SPATS1: variants seen among roughly 807,000 people sequenced by gnomAD.
SPATS1 encodes the protein spermatogenesis-associated serine-rich protein 1.
A neutral mutation model predicts 33.6 loss-of-function variants in SPATS1; 23 were observed. The observed-to-expected ratio is 0.68, with a 90% confidence interval of 0.49 to 0.97. The LOEUF is 0.97. Among genes scored for constraint, SPATS1 ranks in the 50% least tolerant of loss-of-function variants. The pLI is 0.00. For synonymous variants in SPATS1, 131 were observed against 125.6 expected, an observed-to-expected ratio of 1.04 and a Z score of -0.29; for missense variants, 327 against 361.0, an observed-to-expected ratio of 0.91 and a Z score of 0.76.
rs184407816 is a variant in SPATS1 at position 44,368,461 on chromosome 6, C to G, written c.657C>G (p.His219Gln). 8 of 1,613,120 alleles carry G rather than the reference C, an allele frequency of 5.0e-6. No homozygotes were observed. Among genetic ancestry groups the G allele is most frequent in the Non-Finnish European group, 6.8e-6 (8 of 1,179,526 alleles). The change falls in exon 6 of 9, where the codon CAC (histidine) becomes CAG (glutamine). Residue 219 changes from histidine (H) to glutamine (Q), a missense_variant. Coordinates refer to ENST00000674044, the MANE Select transcript of SPATS1 (RefSeq NM_001372081.1). ...ACCCAGAACAGAGTAAAGGCTTCCA[C>G]AAAGCAGGATCAATGCTCCCACCAG... is the stretch of plus-strand genomic sequence containing the variant. The part of the protein sequence containing the change: ...YMYPEQSKGF[H>Q]KAGSMLPPVN...
At chr6:44,359,424 A>G (rs576523059) in intron 3 of SPATS1, among the ~76,000 whole-genome samples, 1 of 152,278 alleles carries the variant, frequency 6.6e-6, no homozygotes, top group East Asian at 1.9e-4. Flanking sequence ...GCCCCTGGTA[A>G]CCTGTAATCT....
chr6:44,374,351 C>A (rs1273136023), intron 7 of SPATS1, among the ~76,000 whole-genome samples: 1 of 152,158 alleles, frequency 6.6e-6, no homozygotes, highest in African/African-American at 2.4e-5. Context: ...AGCATTTCGA[C>A]TATTTTTGTT....
intron 2 of SPATS1, among the ~76,000 whole-genome samples, chr6:44,346,878 T>C (rs1182711267): frequency 6.6e-6 from 1 of 152,242 alleles, no homozygotes; most frequent in Non-Finnish European, 1.5e-5. Flanking sequence ...TTACTGGGTA[T>C]GTACCCAAAG....
intron 2 of SPATS1, among the ~76,000 whole-genome samples, chr6:44,349,097 C>T (rs1788079721): frequency 6.6e-6 from 1 of 151,952 alleles, no homozygotes; most frequent in Non-Finnish European, 1.5e-5. Flanking sequence ...CACTACTGCA[C>T]TCCAGCCGGG....
At chr6:44,351,039 A>C in intron 2 of SPATS1, among the ~76,000 whole-genome samples, 1 of 149,308 alleles carries the variant, frequency 6.7e-6, no homozygotes, top group Non-Finnish European at 1.5e-5. Context: ...CAGGAGAATC[A>C]CCTGAACCCA....
At chr6:44,356,602 A>C (rs919050413) in intron 3 of SPATS1, among the ~76,000 whole-genome samples, 5 of 152,192 alleles carry the variant, frequency 3.3e-5, no homozygotes, top group African/African-American at 9.7e-5. Context: ...TATGGTTGAT[A>C]GCAGGATTCA....
chr6:44,374,817 C>T (rs1353477003), intron 7 of SPATS1, among the ~76,000 whole-genome samples: 2 of 152,074 alleles, frequency 1.3e-5, no homozygotes, highest in African/African-American at 4.8e-5. Flanking sequence ...GCTCTTAGTC[C>T]TGCTTTTCTT....
At chr6:44,366,471 T>G (rs985012597) in intron 5 of SPATS1, among the ~76,000 whole-genome samples, 7 of 152,176 alleles carry the variant, frequency 4.6e-5, no homozygotes, top group Non-Finnish European at 1.0e-4. Flanking sequence ...TATATCATAA[T>G]CAACTGGAAA....
At chr6:44,354,952 C>T (rs1458487284) in intron 3 of SPATS1, among the ~76,000 whole-genome samples, 1 of 152,094 alleles carries the variant, frequency 6.6e-6, no homozygotes, top group Non-Finnish European at 1.5e-5. Flanking sequence ...GTAGCTGGGA[C>T]CACAGATGTG....
intron 3 of SPATS1, among the ~76,000 whole-genome samples, chr6:44,356,287 A>T (rs1171654365): frequency 6.6e-6 from 1 of 152,116 alleles, no homozygotes; most frequent in East Asian, 1.9e-4. Flanking sequence ...GTATAAGTCC[A>T]TCTCTTCTAC....
intron 3 of SPATS1, among the ~76,000 whole-genome samples, chr6:44,359,366 A>C (rs1011246969): frequency 6.6e-6 from 1 of 152,214 alleles, no homozygotes; most frequent in Non-Finnish European, 1.5e-5. Context: ...CAGTCCAAAC[A>C]GAAACTCTAT....
intron 2 of SPATS1, 51 bp downstream of exon 2, chr6:44,343,285 T>C: frequency 6.7e-6 from 10 of 1,500,292 alleles, no homozygotes; most frequent in Non-Finnish European, 6.3e-6. Context: ...CATCCAAGTA[T>C]ACTACACCCG....
At chr6:44,353,340 A>G (rs371707505) in intron 3 of SPATS1, among the ~76,000 whole-genome samples, 2 of 152,240 alleles carry the variant, frequency 1.3e-5, no homozygotes, top group East Asian at 3.8e-4. Context: ...GGACCCACAC[A>G]GATGGTTTCT....
At position 44,376,355 on chromosome 6, in the gene SPATS1, CA is replaced by C. The variant is rs558956760; in HGVS notation, c.759-2del. On this transcript the variant is annotated splice_acceptor_variant, in intron 7 of 8. Transcript: ENST00000674044. LOFTEE classifies it high-confidence loss of function. ...AACTCAGGGTGTTGTCTTCTTCCCA[CA>C]GCTTGCCTTTCTGGGTGAAGGAGAA... 1 of 1,607,584 alleles carries C rather than the reference CA, an allele frequency of 6.2e-7. No homozygotes were observed. The highest frequency in any genetic ancestry group is 8.5e-7 in the Non-Finnish European group (1 of 1,175,726).
intron 1 of SPATS1, 141 bp from the exon 2 acceptor site, chr6:44,342,955 A>C: frequency 8.0e-7 from 1 of 1,245,238 alleles, no homozygotes; most frequent in Non-Finnish European, 1.1e-6. Flanking sequence ...GGAGGGAGTA[A>C]GGCTCCCGTT....
At chr6:44,375,875 G>C (rs1254850094) in intron 7 of SPATS1, among the ~76,000 whole-genome samples, 1 of 152,078 alleles carries the variant, frequency 6.6e-6, no homozygotes, top group Non-Finnish European at 1.5e-5. Flanking sequence ...GGAGGCCGAG[G>C]CAGGTGGATC....
At chr6:44,362,029 C>G (rs1048726897) in intron 5 of SPATS1, 37 bp downstream of exon 5, 12 of 1,612,874 alleles carry the variant, frequency 7.4e-6, no homozygotes, top group East Asian at 4.5e-5. Flanking sequence ...GTGCAGTCCC[C>G]GAAAAACTCT....
intron 3 of SPATS1, among the ~76,000 whole-genome samples, chr6:44,358,472 C>T (rs1170361245): frequency 2.6e-5 from 4 of 152,110 alleles, no homozygotes; most frequent in Non-Finnish European, 5.9e-5. Flanking sequence ...ATTTCTTCGT[C>T]TTCTTTACAT....
At position 44,368,511 on chromosome 6, in the gene SPATS1, T is replaced by A. The variant is rs762135052; in HGVS notation, c.695+12T>A. Reference sequence around the variant, plus strand: ...GTGAATTTTTCAATGTAAGTGTATGTTAATACTAGCATTATATAGTTAACT... The same window carrying A: ...GTGAATTTTTCAATGTAAGTGTATGATAATACTAGCATTATATAGTTAACT... On this transcript the variant is annotated intron_variant, in intron 6 of 8. Transcript: ENST00000674044. 6.2e-7 allele frequency: 1 copy of A among 1,608,870 alleles called. No individual in the cohort carries two copies.
Sources: gnomAD v4.1 joint callset for allele counts (sites outside exome capture counted in the v4.1 genomes callset) on GRCh38, gnomAD v4.1.1 for gene constraint, MANE v1.5 for transcripts, NCBI Gene and HGNC (gene_info 2026-07-23, HGNC 2026-07-21) for gene names.